The following CACNA2D3 variants were observed in gnomAD, a reference collection of about 807,000 sequenced individuals.
CACNA2D3 encodes voltage-dependent calcium channel subunit alpha-2/delta-3.
Under a neutral mutation model 160.6 loss-of-function variants are expected in CACNA2D3, and 60 were observed. The ratio of observed to expected loss-of-function variants is 0.37; its 90% CI spans 0.30 to 0.46. The LOEUF (loss-of-function observed/expected upper bound fraction) is 0.46, where lower values mean the gene tolerates loss of function less well. Ranked by LOEUF, CACNA2D3 falls within the 20% of genes least tolerant of loss-of-function variation. The pLI is 1.00. For missense variants in CACNA2D3, 1,205 were observed against 1,365.0 expected (o/e 0.88, Z 1.85); for synonymous variants, 558 against 492.9 (o/e 1.13, Z -1.75).
intron 2 of CACNA2D3, among the ~76,000 whole-genome samples, chr3:54,239,251 C>T (rs1701935401): frequency 6.6e-6 from 1 of 152,122 alleles, no homozygotes; most frequent in African/African-American, 2.4e-5. Flanking sequence ...TTTTGAGTTG[C>T]TTTGCTTTCA....
chr3:54,148,983 A>G (rs1251851374), intron 2 of CACNA2D3, among the ~76,000 whole-genome samples: 1 of 151,412 alleles, frequency 6.6e-6, no homozygotes. Flanking sequence ...TCAAAAAAAA[A>G]AAAAAAAAAA....
intron 13 of CACNA2D3, among the ~76,000 whole-genome samples, chr3:54,790,302 C>T (rs1453631647): frequency 6.6e-6 from 1 of 152,168 alleles, no homozygotes; most frequent in Admixed American, 6.5e-5. Context: ...TGCCTTCTCC[C>T]CTCTCATCTG....
chr3:54,849,370 C>A (rs1363957973), intron 17 of CACNA2D3, among the ~76,000 whole-genome samples: 1 of 152,166 alleles, frequency 6.6e-6, no homozygotes, highest in African/African-American at 2.4e-5. Context: ...TTCACTTATC[C>A]CTGCTTTCCC....
At chr3:54,816,573 G>C (rs1703462365) in intron 13 of CACNA2D3, among the ~76,000 whole-genome samples, 1 of 152,170 alleles carries the variant, frequency 6.6e-6, no homozygotes, top group Non-Finnish European at 1.5e-5. Context: ...CTCGGTTCCA[G>C]CTTTATAGGA....
chr3:54,799,395 G>A (rs887961956), intron 13 of CACNA2D3, among the ~76,000 whole-genome samples: 1 of 152,146 alleles, frequency 6.6e-6, no homozygotes, highest in African/African-American at 2.4e-5. Flanking sequence ...CATGGAGGAT[G>A]ACTGAAGATT....
chr3:54,408,565 A>C (rs1461093863), intron 4 of CACNA2D3, among the ~76,000 whole-genome samples: 1 of 152,132 alleles, frequency 6.6e-6, no homozygotes, highest in Non-Finnish European at 1.5e-5. Flanking sequence ...GATGTTAACC[A>C]GTTCCTCTTT....
At chr3:54,751,624 C>T (rs979807638) in intron 11 of CACNA2D3, among the ~76,000 whole-genome samples, 11 of 152,110 alleles carry the variant, frequency 7.2e-5, no homozygotes, top group African/African-American at 2.7e-4. Flanking sequence ...GCTAGCTAAC[C>T]ACAATTGTAG....
chr3:54,868,734 T>A (rs1466366601), intron 17 of CACNA2D3, among the ~76,000 whole-genome samples: 1 of 152,186 alleles, frequency 6.6e-6, no homozygotes, highest in East Asian at 1.9e-4. Context: ...ACAAACAGCT[T>A]CTGTCTGCCT....
At chr3:54,174,857 G>C (rs1000267699) in intron 2 of CACNA2D3, among the ~76,000 whole-genome samples, 2 of 152,174 alleles carry the variant, frequency 1.3e-5, no homozygotes, top group African/African-American at 4.8e-5. Context: ...AAAATGTCAG[G>C]TTTTTCTGGA....
intron 16 of CACNA2D3, among the ~76,000 whole-genome samples, chr3:54,845,436 A>G (rs1044959573): frequency 2.6e-5 from 4 of 151,776 alleles, no homozygotes; most frequent in African/African-American, 9.7e-5. Context: ...AAAAAAAAAT[A>G]GAGGATTTCT....
chr3:54,273,965 T>C (rs749815495), intron 2 of CACNA2D3, among the ~76,000 whole-genome samples: 7 of 150,674 alleles, frequency 4.6e-5, no homozygotes, highest in Admixed American at 1.3e-4. Context: ...GGTTGCATCA[T>C]ACTGCTAAGT....
At chr3:54,808,955 A>T (rs1217451757) in intron 13 of CACNA2D3, among the ~76,000 whole-genome samples, 1 of 152,176 alleles carries the variant, frequency 6.6e-6, no homozygotes, top group Non-Finnish European at 1.5e-5. Flanking sequence ...GAAAACAGCA[A>T]ACTGTTATGG....
At chr3:54,355,454 T>C (rs555715595) in intron 3 of CACNA2D3, among the ~76,000 whole-genome samples, 3 of 152,118 alleles carry the variant, frequency 2.0e-5, no homozygotes, top group African/African-American at 7.2e-5. Context: ...GTTGTATCAG[T>C]AGAGATGGAG....
At chr3:55,034,627 T>C (rs1169174725) in intron 35 of CACNA2D3, among the ~76,000 whole-genome samples, 3 of 152,106 alleles carry the variant, frequency 2.0e-5, no homozygotes, top group Non-Finnish European at 2.9e-5. Context: ...CTTCCATTCA[T>C]GCTTTCTGGT....
intron 11 of CACNA2D3, among the ~76,000 whole-genome samples, chr3:54,687,566 C>T (rs1242442132): frequency 6.6e-6 from 1 of 151,966 alleles, no homozygotes; most frequent in East Asian, 1.9e-4. Flanking sequence ...GGTTGATATG[C>T]CCAAAAGTTT....
chr3:54,248,926 G>A (rs1429656094), intron 2 of CACNA2D3, among the ~76,000 whole-genome samples: 1 of 152,182 alleles, frequency 6.6e-6, no homozygotes, highest in Non-Finnish European at 1.5e-5. Context: ...ACAGAAATGA[G>A]CACTGTAATT....
At chr3:54,671,487 AAAGT>A (rs1235435456) in intron 11 of CACNA2D3, among the ~76,000 whole-genome samples, 5 of 151,966 alleles carry the variant, frequency 3.3e-5, no homozygotes, top group African/African-American at 1.2e-4. Context: ...GGCAGAGGAG[AAAGT>A]AAGTGAGGGA....
At chr3:54,423,223 TTA>T (rs1699864719) in intron 4 of CACNA2D3, among the ~76,000 whole-genome samples, 1 of 152,198 alleles carries the variant, frequency 6.6e-6, no homozygotes, top group African/African-American at 2.4e-5. Context: ...GATATGTGCC[TTA>T]TCTGGGATGC....
intron 31 of CACNA2D3, among the ~76,000 whole-genome samples, chr3:54,999,862 T>C (rs1702942507): frequency 6.6e-6 from 1 of 152,232 alleles, no homozygotes; most frequent in Admixed American, 6.5e-5. Flanking sequence ...CTTAATGTCA[T>C]GAGTTTGTCA....
Sources: gnomAD v4.1 joint callset for allele counts (sites outside exome capture counted in the v4.1 genomes callset) on GRCh38, gnomAD v4.1.1 for gene constraint, MANE v1.5 for transcripts, NCBI Gene and HGNC (gene_info 2026-07-23, HGNC 2026-07-21) for gene names.